Variants in PLXNC1 observed in about 807,000 individuals in gnomAD.
PLXNC1 encodes the protein plexin C1.
Under a neutral mutation model 178.2 loss-of-function variants are expected in PLXNC1, and 75 were observed. That is an observed-to-expected ratio of 0.42 (90% confidence interval 0.35 to 0.51). The LOEUF (loss-of-function observed/expected upper bound fraction) is 0.51, where lower values mean the gene tolerates loss of function less well. Among genes scored for constraint, PLXNC1 ranks in the 20% least tolerant of loss-of-function variants. PLXNC1 has a pLI of 0.02. For missense variants in PLXNC1, 1,503 were observed against 1,984.4 expected (o/e 0.76, Z 4.61); for synonymous variants, 790 against 779.9 (o/e 1.01, Z -0.22).
At chr12:94,259,454 T>C in intron 18 of PLXNC1, 79 bp downstream of exon 18, 1 of 1,198,764 alleles carries the variant, frequency 8.3e-7, no homozygotes, top group South Asian at 1.4e-5. Context: ...TCATCTCTAT[T>C]ATTATTACTT....
rs1969051473 is a variant in PLXNC1 at position 94,306,661 on chromosome 12, G to T, written c.*1376G>T. ...AAATTTTTTCAAGTCAAATAACATT[G>T]ATCACATATTCCTTGAAATCATTTA... On this transcript the variant is annotated 3_prime_UTR_variant, in exon 31 of 31. Coordinates refer to ENST00000258526, the MANE Select transcript of PLXNC1 (RefSeq NM_005761.3). 6.6e-6 allele frequency: 1 copy of T among 152,032 alleles called. No homozygotes were observed. Among genetic ancestry groups the T allele is most frequent in the African/African-American group, 2.4e-5 (1 of 41,404 alleles). 9.4% of individuals were successfully genotyped at this position (152,032 alleles called of 1,614,324 possible).
intron 12 of PLXNC1, 30 bp downstream of exon 12, chr12:94,244,055 T>C: frequency 1.5e-6 from 2 of 1,320,374 alleles, no homozygotes; most frequent in Non-Finnish European, 2.2e-6. Flanking sequence ...GTAATAATAG[T>C]TGTTTTCAAG....
intron 21 of PLXNC1, chr12:94,278,118 G>T (rs1260101991): frequency 8.9e-6 from 4 of 447,892 alleles, no homozygotes; most frequent in African/African-American, 8.2e-5. Context: ...CTTCCTTCTT[G>T]CCTGTTAGAC....
intron 4 of PLXNC1, among the ~76,000 whole-genome samples, chr12:94,208,400 G>A (rs1369423542): frequency 6.6e-6 from 1 of 152,148 alleles, no homozygotes; most frequent in Non-Finnish European, 1.5e-5. Context: ...GCTCAAAGAT[G>A]AAGCCATGAG....
chr12:94,246,188 G>T (rs903580648), intron 12 of PLXNC1, among the ~76,000 whole-genome samples: 7 of 152,210 alleles, frequency 4.6e-5, no homozygotes, highest in African/African-American at 1.7e-4. Flanking sequence ...CTGCAGGGCG[G>T]TTATTATTTT....
chr12:94,200,568 G>C (rs1425519236), intron 4 of PLXNC1, among the ~76,000 whole-genome samples: 1 of 152,034 alleles, frequency 6.6e-6, no homozygotes, highest in Non-Finnish European at 1.5e-5. Context: ...CCTGTTTAGT[G>C]GTGGAGAAAC....
intron 1 of PLXNC1, among the ~76,000 whole-genome samples, chr12:94,159,524 C>G (rs905332512): frequency 2.0e-5 from 3 of 151,966 alleles, no homozygotes; most frequent in African/African-American, 7.3e-5. Context: ...GATGGAACAT[C>G]CTGGTCTTGG....
intron 21 of PLXNC1, chr12:94,276,975 G>A (rs910805705): frequency 1.3e-5 from 2 of 152,204 alleles, no homozygotes; most frequent in African/African-American, 4.8e-5. Context: ...TAATCATTTG[G>A]TTGAGACCAG....
chr12:94,280,580 C>T (rs1170454083), intron 22 of PLXNC1, among the ~76,000 whole-genome samples: 2 of 152,178 alleles, frequency 1.3e-5, no homozygotes, highest in African/African-American at 2.4e-5. Flanking sequence ...TGCTAAGGCA[C>T]CCCTCTTCTG....
chr12:94,301,348 C>A lies in PLXNC1; in HGVS notation c.4386+291C>A, dbSNP rs144158391. On this transcript the variant is annotated intron_variant, in intron 28 of 30. Coordinates refer to ENST00000258526, the MANE Select transcript of PLXNC1 (RefSeq NM_005761.3). ...TTCCTAGAAAAATATTCTATGGACACTGATAAACTATTAACCCAAAATATG... is the reference window on the plus strand; with the variant it reads ...TTCCTAGAAAAATATTCTATGGACAATGATAAACTATTAACCCAAAATATG... Among the ~76,000 whole-genome samples the A allele has an allele frequency of 7.9e-4, 120 of 152,288 alleles. 1 individual carries two copies. In the East Asian group the frequency reaches 0.022, roughly 28 times the overall value.
chr12:94,242,622 A>G (rs541335327), intron 11 of PLXNC1, among the ~76,000 whole-genome samples: 42 of 152,220 alleles, frequency 2.8e-4, no homozygotes, highest in African/African-American at 9.9e-4. Flanking sequence ...TTGGGGACAC[A>G]GTTCAGTCCA....
intron 28 of PLXNC1, among the ~76,000 whole-genome samples, chr12:94,303,493 G>A (rs1051132576): frequency 2.6e-5 from 4 of 152,084 alleles, no homozygotes; most frequent in Non-Finnish European, 5.9e-5. Context: ...AATAATTTTA[G>A]TTCTTTTATG....
rs746511708 is a variant in PLXNC1 at position 94,224,485 on chromosome 12, C to T, written c.1790+170C>T. ...AGCCACCGAGCTAATAAGCTCCGCT[C>T]GCACATTCTAGCCCTGACTAGTAAG... On this transcript the variant is annotated intron_variant, in intron 7 of 30. Transcript: ENST00000258526. 1.1e-3 allele frequency among the ~76,000 whole-genome samples: 174 copies of T among 152,290 alleles called. 2 individuals carry two copies. The highest frequency in any genetic ancestry group is 4.6e-4 in the Non-Finnish European group (31 of 68,026).
chr12:94,238,829 A>T (rs1205438401), intron 10 of PLXNC1, among the ~76,000 whole-genome samples: 2 of 152,192 alleles, frequency 1.3e-5, no homozygotes, highest in Non-Finnish European at 2.9e-5. Context: ...TCTTGATGAG[A>T]AAAGCTGCTC....
At chr12:94,182,790 T>C (rs945445355) in intron 3 of PLXNC1, among the ~76,000 whole-genome samples, 1 of 152,042 alleles carries the variant, frequency 6.6e-6, no homozygotes, top group African/African-American at 2.4e-5. Context: ...AAAATAAATG[T>C]GTTATTAATT....
chr12:94,174,309 T>G (rs1276996139), intron 2 of PLXNC1, among the ~76,000 whole-genome samples: 1 of 151,978 alleles, frequency 6.6e-6, no homozygotes, highest in African/African-American at 2.4e-5. Flanking sequence ...CTCAGCCTCT[T>G]GAGTAGCTGG....
chr12:94,295,538 A>G (rs1967827923), intron 24 of PLXNC1, among the ~76,000 whole-genome samples: 1 of 152,102 alleles, frequency 6.6e-6, no homozygotes, highest in South Asian at 2.1e-4. Flanking sequence ...CAGTCAGTCA[A>G]CACTGCTGCT....
At chr12:94,262,502 C>A in intron 20 of PLXNC1, 1 of 985,504 alleles carries the variant, frequency 1.0e-6, no homozygotes, top group Non-Finnish European at 1.2e-6. Flanking sequence ...TTGAGCAAAG[C>A]ATTCTGGGTC....
chr12:94,149,022 G>C lies in PLXNC1; in HGVS notation c.51G>C (p.Ala17=), dbSNP rs1960835907. ...CGCCGCGCCCCCCGCGCCCCGCAGC[G>C]CCACTGCCCCTGCTCGCCTATCTGC... ...KAPPRPPRPA[A]PLPLLAYLLA... Residue 17 remains alanine, a synonymous_variant, in exon 1 of 31, where the codon GCG becomes GCC. Coordinates refer to ENST00000258526, the MANE Select transcript of PLXNC1 (RefSeq NM_005761.3). The C allele has an allele frequency of 4.7e-6, 7 of 1,484,020 alleles. No homozygotes were observed. The highest frequency in any genetic ancestry group is 5.3e-6 in the Non-Finnish European group (6 of 1,124,972). The allele number at this position is 1,484,020 out of a possible 1,614,324, so 91.9% of individuals were successfully genotyped here. A position where few individuals can be genotyped will look rare whatever the true frequency, so the allele number is the denominator to read the frequency against.
Sources: gnomAD v4.1 joint callset for allele counts (sites outside exome capture counted in the v4.1 genomes callset) on GRCh38, gnomAD v4.1.1 for gene constraint, MANE v1.5 for transcripts, NCBI Gene and HGNC (gene_info 2026-07-23, HGNC 2026-07-21) for gene names.